The following LRP1B variants were observed in gnomAD, a reference collection of about 807,000 sequenced individuals.
LRP1B encodes low-density lipoprotein receptor-related protein 1B.
A neutral mutation model predicts 556.6 loss-of-function variants in LRP1B; 217 were observed. That is an observed-to-expected ratio of 0.39 (90% CI 0.35 to 0.44). The LOEUF is 0.44. LRP1B is among the 20% of genes least tolerant of loss of function. The pLI, the probability that LRP1B is intolerant of heterozygous loss-of-function variation, is 1.00. For missense variants in LRP1B, 5,053 were observed against 5,620.8 expected (o/e 0.90, Z 3.23); for synonymous variants, 2,047 against 1,865.8 (o/e 1.10, Z -2.50).
At chr2:141,925,336 G>C (rs563709352) in intron 1 of LRP1B, among the ~76,000 whole-genome samples, 2 of 152,232 alleles carry the variant, frequency 1.3e-5, no homozygotes, top group East Asian at 3.9e-4. Context: ...ACAGAATATT[G>C]TGTTCTCTAT....
At chr2:140,655,956 A>G (rs749098944) in intron 41 of LRP1B, among the ~76,000 whole-genome samples, 3 of 152,122 alleles carry the variant, frequency 2.0e-5, no homozygotes, top group Non-Finnish European at 2.9e-5. Context: ...AAAAACAAAA[A>G]AAGAATAGGC....
intron 7 of LRP1B, among the ~76,000 whole-genome samples, chr2:141,144,394 A>G (rs1363999492): frequency 6.6e-6 from 1 of 152,358 alleles, no homozygotes; most frequent in Non-Finnish European, 1.5e-5. Context: ...AAACTGACAT[A>G]TCCACAAAAT....
At chr2:141,963,849 T>C (rs866609499) in intron 1 of LRP1B, among the ~76,000 whole-genome samples, 2,887 of 142,282 alleles carry the variant, frequency 0.02, 73 homozygotes, top group African/African-American at 0.076. Context: ...AAAACCCCAT[T>C]GTCTCAGCCC....
chr2:141,474,335 C>T (rs1196967821), intron 3 of LRP1B, among the ~76,000 whole-genome samples: 1 of 152,122 alleles, frequency 6.6e-6, no homozygotes, highest in Non-Finnish European at 1.5e-5. Context: ...CATGGTGAAT[C>T]ATTACAGAAA....
At chr2:141,452,989 A>G (rs940040259) in intron 3 of LRP1B, among the ~76,000 whole-genome samples, 8 of 152,028 alleles carry the variant, frequency 5.3e-5, no homozygotes, top group Non-Finnish European at 1.2e-4. Context: ...TAATCCCAGC[A>G]CTCTGGGAGG....
chr2:140,792,436 T>G (rs966292638), intron 32 of LRP1B, among the ~76,000 whole-genome samples: 1 of 152,152 alleles, frequency 6.6e-6, no homozygotes, highest in African/African-American at 2.4e-5. Flanking sequence ...ACAAGACACT[T>G]TTGCTCATTA....
intron 66 of LRP1B, among the ~76,000 whole-genome samples, chr2:140,418,287 A>T (rs765887928): frequency 5.9e-5 from 9 of 152,200 alleles, no homozygotes; most frequent in Non-Finnish European, 1.2e-4. Context: ...TTGGTGGATG[A>T]TCACCTATCT....
At chr2:141,798,756 C>CTTG (rs1205434416) in intron 2 of LRP1B, among the ~76,000 whole-genome samples, 2 of 145,800 alleles carry the variant, frequency 1.4e-5, no homozygotes, top group Non-Finnish European at 3.0e-5. Context: ...GCAAAATTAT[C>CTTG]TTGTGTGTTA....
At chr2:141,428,304 ACCT>A (rs1257686470) in intron 3 of LRP1B, among the ~76,000 whole-genome samples, 2 of 152,114 alleles carry the variant, frequency 1.3e-5, no homozygotes, top group Non-Finnish European at 2.9e-5. Context: ...GCTATTGTTC[ACCT>A]CCTGAGATCA....
At chr2:141,740,339 C>T (rs543738618) in intron 2 of LRP1B, among the ~76,000 whole-genome samples, 48 of 152,216 alleles carry the variant, frequency 3.2e-4, no homozygotes, top group African/African-American at 1.0e-3. Flanking sequence ...GTGTAATATA[C>T]TTATTAATAA....
intron 2 of LRP1B, among the ~76,000 whole-genome samples, chr2:141,768,328 A>G (rs1376171833): frequency 6.6e-6 from 1 of 151,770 alleles, no homozygotes; most frequent in Non-Finnish European, 1.5e-5. Flanking sequence ...TTCGTTCTTG[A>G]GCCTTTTTCT....
chr2:141,463,582 TTA>T (rs1553518116), intron 3 of LRP1B, among the ~76,000 whole-genome samples: 2 of 78,358 alleles, frequency 2.6e-5, no homozygotes, highest in African/African-American at 5.6e-5. Flanking sequence ...TTATATATAA[TTA>T]TATATAATAT....
chr2:140,970,063 T>C (rs1696365871), intron 18 of LRP1B, among the ~76,000 whole-genome samples: 1 of 152,164 alleles, frequency 6.6e-6, no homozygotes, highest in African/African-American at 2.4e-5. Flanking sequence ...AATTTGAATG[T>C]TGGCTGGCCT....
intron 3 of LRP1B, among the ~76,000 whole-genome samples, chr2:141,257,468 T>C (rs1331118676): frequency 2.0e-5 from 3 of 152,172 alleles, no homozygotes; most frequent in African/African-American, 7.2e-5. Context: ...CTACTCTCTC[T>C]ACTTGACGTT....
rs577075939 is a variant in LRP1B at position 141,491,759 on chromosome 2, T to A, written c.206-11226A>T. 1.2e-4 allele frequency among the ~76,000 whole-genome samples: 19 copies of A among 152,200 alleles called. No individual in the cohort carries two copies. In the East Asian group the frequency reaches 3.7e-3, roughly 29 times the overall value. On this transcript the variant is annotated intron_variant, in intron 2 of 90. Coordinates refer to ENST00000389484, the MANE Select transcript of LRP1B (RefSeq NM_018557.3). The stretch of plus-strand genomic sequence containing the variant: ...CATTTGATCTTTGATTCCACAAATG[T>A]GTTAGAGATTGCCTCTGAGCCAAAC...
chr2:141,677,815 A>T (rs1373000119), intron 2 of LRP1B, among the ~76,000 whole-genome samples: 1 of 152,184 alleles, frequency 6.6e-6, no homozygotes, highest in Non-Finnish European at 1.5e-5. Context: ...TAAAAGCATT[A>T]GGAAACATAA....
intron 7 of LRP1B, among the ~76,000 whole-genome samples, chr2:141,072,960 GA>G (rs1355914355): frequency 6.6e-6 from 1 of 151,946 alleles, no homozygotes; most frequent in Non-Finnish European, 1.5e-5. Context: ...TTTTCTCTAA[GA>G]CCTGACTTCA....
chr2:141,276,364 G>A (rs1432569303), intron 3 of LRP1B, among the ~76,000 whole-genome samples: 3 of 151,902 alleles, frequency 2.0e-5, no homozygotes, highest in Non-Finnish European at 4.4e-5. Context: ...GTGTGTCACT[G>A]GGGTTTGGTG....
chr2:140,874,758 C>T (rs1449399695), intron 25 of LRP1B, among the ~76,000 whole-genome samples: 1 of 151,856 alleles, frequency 6.6e-6, no homozygotes. Flanking sequence ...GTGGCTCATG[C>T]CTGTAATCCC....
Sources: allele counts gnomAD v4.1 joint callset (sites outside exome capture counted in the v4.1 genomes callset), GRCh38; gene constraint gnomAD v4.1.1; transcripts MANE v1.5; gene names NCBI Gene and HGNC (gene_info 2026-07-23, HGNC 2026-07-21).